Variants in SEMA6D observed in about 807,000 individuals in gnomAD.
SEMA6D encodes semaphorin 6D.
A neutral mutation model predicts 106.6 loss-of-function variants in SEMA6D; 35 were observed. The ratio of observed to expected loss-of-function variants is 0.33; its 90% CI spans 0.25 to 0.44. SEMA6D has a LOEUF of 0.44. SEMA6D is among the 20% of genes least tolerant of loss of function. The probability of loss-of-function intolerance (pLI) is 1.00; values close to 1 mark genes in which losing one functional copy is unlikely to be tolerated. For missense variants in SEMA6D, 1,185 were observed against 1,345.9 expected, an observed-to-expected ratio of 0.88 and a Z score of 1.87; for synonymous variants, 499 against 487.7, an observed-to-expected ratio of 1.02 and a Z score of -0.31.
chr15:47,486,195 A>G (rs1009734444), intron 3 of SEMA6D, among the ~76,000 whole-genome samples: 1 of 152,236 alleles, frequency 6.6e-6, no homozygotes, highest in African/African-American at 2.4e-5. Context: ...ATCTCAGCCT[A>G]TGAAAAGGAC....
intron 3 of SEMA6D, among the ~76,000 whole-genome samples, chr15:47,520,585 GA>G (rs2044541376): frequency 6.6e-6 from 1 of 152,226 alleles, no homozygotes. Flanking sequence ...AATAGGATTA[GA>G]GATATTGCAC....
At chr15:47,294,747 C>T (rs2035738009) in intron 1 of SEMA6D, among the ~76,000 whole-genome samples, 1 of 152,088 alleles carries the variant, frequency 6.6e-6, no homozygotes, top group Admixed American at 6.6e-5. Context: ...TTTGCAGAGA[C>T]CTTCATTTTT....
chr15:47,452,734 C>T (rs1162365467), intron 2 of SEMA6D, among the ~76,000 whole-genome samples: 1 of 151,708 alleles, frequency 6.6e-6, no homozygotes, highest in African/African-American at 2.4e-5. Context: ...AATTGTTTGA[C>T]CTACTTCTTC....
chr15:47,344,112 G>A (rs1338822311), intron 1 of SEMA6D, among the ~76,000 whole-genome samples: 2 of 152,138 alleles, frequency 1.3e-5, no homozygotes, highest in Non-Finnish European at 2.9e-5. Flanking sequence ...GGAGAAATAG[G>A]AACACTTTTA....
Position 47,771,264 on chromosome 15 carries a change from C to A in SEMA6D, c.2701C>A (p.Gln901Lys), listed in dbSNP as rs1480343971. ...CCCCAAAGCCATCATGGGAGACATC[C>A]AGATGGCACACCAGAACTTAATGCT... ...SNPKAIMGDI[Q>K]MAHQNLMLDP... The change falls in exon 19 of 19, where the codon CAG (glutamine) becomes AAG (lysine). Residue 901 changes from glutamine to lysine, a missense_variant. Gln to Lys is a moderately conservative substitution (Grantham distance 53, BLOSUM62 1). Coordinates refer to ENST00000536845, the MANE Select transcript of SEMA6D (RefSeq NM_001358351.3). 1 of 1,613,998 alleles carries A rather than the reference C, an allele frequency of 6.2e-7. No homozygotes were observed. Among genetic ancestry groups the A allele is most frequent in the Admixed American group, 1.7e-5 (1 of 60,006 alleles).
chr15:47,617,711 C>G (rs562263455), intron 4 of SEMA6D, among the ~76,000 whole-genome samples: 1 of 152,304 alleles, frequency 6.6e-6, no homozygotes, highest in South Asian at 2.1e-4. Flanking sequence ...TGACCTAAGG[C>G]AAGACTTCGA....
chr15:47,649,969 G>A (rs558329124), intron 4 of SEMA6D, among the ~76,000 whole-genome samples: 3 of 152,242 alleles, frequency 2.0e-5, no homozygotes, highest in East Asian at 1.9e-4. Context: ...TTACTATCTC[G>A]AGGGAATAAA....
intron 3 of SEMA6D, among the ~76,000 whole-genome samples, chr15:47,560,308 G>A (rs2117801): frequency 0.43 from 65,409 of 151,664 alleles, 15,409 homozygotes; most frequent in Non-Finnish European, 0.53. Context: ...TCTGTTTAAA[G>A]AACAAAAAGA....
At chr15:47,587,847 A>G (rs1383950535) in intron 3 of SEMA6D, among the ~76,000 whole-genome samples, 1 of 152,048 alleles carries the variant, frequency 6.6e-6, no homozygotes, top group Non-Finnish European at 1.5e-5. Context: ...AGTAAATACT[A>G]GAAAGCCTGA....
At chr15:47,738,962 A>C (rs1045897996) in intron 1 of SEMA6D, among the ~76,000 whole-genome samples, 1 of 152,070 alleles carries the variant, frequency 6.6e-6, no homozygotes, top group African/African-American at 2.4e-5. Context: ...TCCTCTCCCT[A>C]TGGGCCACTT....
At chr15:47,760,607 A>G (rs966446615) in intron 3 of SEMA6D, among the ~76,000 whole-genome samples, 192 bp downstream of exon 3, 2 of 152,082 alleles carry the variant, frequency 1.3e-5, no homozygotes. Context: ...CAGCGGTGCT[A>G]TTTTATTACT....
intron 1 of SEMA6D, among the ~76,000 whole-genome samples, chr15:47,728,579 G>A (rs1296434172): frequency 2.0e-5 from 3 of 152,204 alleles, no homozygotes; most frequent in Admixed American, 2.0e-4. Context: ...GCATCACTTA[G>A]TTTCCGATCG....
At chr15:47,306,937 C>G (rs147409409) in intron 1 of SEMA6D, among the ~76,000 whole-genome samples, 1 of 152,242 alleles carries the variant, frequency 6.6e-6, no homozygotes, top group South Asian at 2.1e-4. Flanking sequence ...TATATATGTG[C>G]GTATGCCACT....
chr15:47,606,393 GAGGGAACA>G (rs1473462915), intron 4 of SEMA6D: 11 of 152,218 alleles, frequency 7.2e-5, no homozygotes, highest in Non-Finnish European at 1.2e-4. Flanking sequence ...CCAGGGGTTT[GAGGGAACA>G]GGGGTTCCTC....
intron 4 of SEMA6D, among the ~76,000 whole-genome samples, chr15:47,607,490 T>G (rs2076805767): frequency 6.6e-6 from 1 of 152,212 alleles, no homozygotes; most frequent in African/African-American, 2.4e-5. Context: ...ACCAAGTAGT[T>G]GGTGTGTATT....
chr15:47,312,785 T>G (rs888133522), intron 1 of SEMA6D, among the ~76,000 whole-genome samples: 3 of 152,178 alleles, frequency 2.0e-5, no homozygotes, highest in Admixed American at 2.0e-4. Context: ...AGTATAAAAA[T>G]TATTAGTGTG....
In SEMA6D at chr15:47,762,209, T is replaced by C; in HGVS notation, c.548T>C (p.Leu183Pro). 6.2e-7 allele frequency: 1 copy of C among 1,613,678 alleles called. No individual in the cohort carries two copies. The highest frequency in any genetic ancestry group is 8.5e-7 in the Non-Finnish European group (1 of 1,179,656). ...TNVALFADGKLYSATVADFLA... is the reference protein window; with the variant it reads ...TNVALFADGKPYSATVADFLA... Reference sequence around the variant, plus strand: ...ATACCTTTGGTTTCAGATGGGAAGCTGTATTCTGCCACAGTGGCTGACTTC... The same window carrying C: ...ATACCTTTGGTTTCAGATGGGAAGCCGTATTCTGCCACAGTGGCTGACTTC... Residue 183 changes from leucine (L) to proline (P), a missense_variant, in exon 8 of 19, where the codon CTG (leucine) becomes CCG (proline). This residue lies in a region of SEMA6D where 291 missense variants were observed against 423.8 expected (regional missense o/e 0.69). Coordinates refer to ENST00000536845, the MANE Select transcript of SEMA6D (RefSeq NM_001358351.3).
intron 4 of SEMA6D, among the ~76,000 whole-genome samples, chr15:47,681,304 A>G (rs1027562594): frequency 1.3e-5 from 2 of 152,240 alleles, no homozygotes; most frequent in African/African-American, 4.8e-5. Context: ...TGCCATATGG[A>G]TGAACCTTGA....
intron 1 of SEMA6D, among the ~76,000 whole-genome samples, chr15:47,733,406 AAATT>A (rs1469694495): frequency 3.9e-5 from 6 of 152,182 alleles, no homozygotes; most frequent in Admixed American, 6.5e-5. Context: ...GAAGCTGTAA[AAATT>A]AACCACCTAG....
Sources: allele counts gnomAD v4.1 joint callset (sites outside exome capture counted in the v4.1 genomes callset), GRCh38; gene constraint gnomAD v4.1.1; regional missense constraint gnomAD v4.1.1; transcripts MANE v1.5; gene names NCBI Gene and HGNC (gene_info 2026-07-23, HGNC 2026-07-21).